The following SNAP23 variants were observed in gnomAD, a reference collection of about 807,000 sequenced individuals.
The protein encoded by SNAP23 is synaptosome associated protein 23.
SNAP23 carries 11 observed loss-of-function variants against 29.0 expected under a neutral mutation model. The ratio of observed to expected loss-of-function variants is 0.38; its 90% CI spans 0.24 to 0.63. The LOEUF (loss-of-function observed/expected upper bound fraction) is 0.63. Ranked by LOEUF, SNAP23 falls within the 20% of genes least tolerant of loss-of-function variation. SNAP23 has a pLI of 0.58. For synonymous variants in SNAP23, 60 were observed against 82.9 expected (o/e 0.72, Z 1.50); for missense variants, 220 against 253.9 (o/e 0.87, Z 0.91).
At position 42,529,762 on chromosome 15, in the gene SNAP23, G is replaced by C. The variant is rs1030506827; in HGVS notation, c.513G>C (p.Leu171=). 1 of 1,614,022 alleles carries C rather than the reference G, an allele frequency of 6.2e-7. No homozygotes were observed. Among genetic ancestry groups the C allele is most frequent in the Non-Finnish European group, 8.5e-7 (1 of 1,180,000 alleles). Residue 171 remains leucine, a synonymous_variant, in exon 7 of 8, where the codon CTG becomes CTC. Coordinates refer to ENST00000249647, the MANE Select transcript of SNAP23 (RefSeq NM_003825.4). The part of the protein sequence containing the change: ...SILGNLKDMA[L]NIGNEIDAQN... ...TGGGAAATCTAAAAGACATGGCCCTGAACATAGGCAATGAGATTGATGCTC... is the reference window on the plus strand; with the variant it reads ...TGGGAAATCTAAAAGACATGGCCCTCAACATAGGCAATGAGATTGATGCTC...
At chr15:42,514,682 G>A (rs988014854) in intron 4 of SNAP23, among the ~76,000 whole-genome samples, 4 of 149,578 alleles carry the variant, frequency 2.7e-5, no homozygotes, top group African/African-American at 9.8e-5. Context: ...CCGTCCCTTG[G>A]TCCTACTATA....
At chr15:42,500,142 C>G (rs976293871) in intron 1 of SNAP23, among the ~76,000 whole-genome samples, 1 of 145,740 alleles carries the variant, frequency 6.9e-6, no homozygotes, top group African/African-American at 2.6e-5. Flanking sequence ...TATCAGCTGC[C>G]TTTTTTTTTC....
chr15:42,500,826 G>A (rs1469931493), intron 1 of SNAP23, among the ~76,000 whole-genome samples: 2 of 152,184 alleles, frequency 1.3e-5, no homozygotes, highest in African/African-American at 4.8e-5. Flanking sequence ...AAGAGTAGAA[G>A]AAGCCCATTT....
chr15:42,520,563 C>G (rs1018095801), intron 5 of SNAP23, among the ~76,000 whole-genome samples: 3 of 152,014 alleles, frequency 2.0e-5, no homozygotes, highest in African/African-American at 7.2e-5. Flanking sequence ...GGCACGATCT[C>G]GGCTCACTGC....
chr15:42,525,582 G>A (rs117881887), intron 5 of SNAP23, among the ~76,000 whole-genome samples: 7,145 of 140,802 alleles, frequency 0.051, 217 homozygotes, highest in Middle Eastern at 0.097. Flanking sequence ...TTCTGCCTCT[G>A]CCTCCTGAGT....
chr15:42,525,842 C>CA (rs1486291581), intron 5 of SNAP23, among the ~76,000 whole-genome samples: 8 of 152,124 alleles, frequency 5.3e-5, no homozygotes, highest in African/African-American at 1.9e-4. Context: ...AATTAAAAAT[C>CA]ATTCACATGA....
intron 5 of SNAP23, among the ~76,000 whole-genome samples, chr15:42,519,265 G>C (rs1437398387): frequency 1.3e-5 from 2 of 151,794 alleles, no homozygotes; most frequent in Non-Finnish European, 2.9e-5. Flanking sequence ...ATGTTGGCCA[G>C]GCTGGTCTTG....
At chr15:42,524,676 G>C (rs1274098385) in intron 5 of SNAP23, among the ~76,000 whole-genome samples, 3 of 152,216 alleles carry the variant, frequency 2.0e-5, no homozygotes, top group African/African-American at 7.2e-5. Context: ...TGCCAAAAAG[G>C]TTGGGGACTG....
chr15:42,497,455 G>C (rs567260601), intron 1 of SNAP23, among the ~76,000 whole-genome samples: 3 of 151,600 alleles, frequency 2.0e-5, no homozygotes, highest in Admixed American at 2.0e-4. Flanking sequence ...GTTATCCACC[G>C]GCCTCCGCCT....
At chr15:42,530,778 C>A (rs930539744) in intron 7 of SNAP23, among the ~76,000 whole-genome samples, 5 of 152,142 alleles carry the variant, frequency 3.3e-5, no homozygotes, top group African/African-American at 1.2e-4. Context: ...GAAAGTCATA[C>A]CTCATTAAAA....
rs2057576975 is a variant in SNAP23 at position 42,532,548 on chromosome 15, T to A, written c.*1070T>A. 6.6e-6 allele frequency: 1 copy of A among 152,644 alleles called. No homozygotes were observed. Among genetic ancestry groups the A allele is most frequent in the Non-Finnish European group, 1.5e-5 (1 of 68,024 alleles). The allele number at this position is 152,644 out of a possible 1,614,324, so 9.5% of individuals were successfully genotyped here. A position where few individuals can be genotyped will look rare whatever the true frequency, so the allele number is the denominator to read the frequency against. Reference sequence around the variant, plus strand: ...TATCATGGTTCCATTACAGGCCTATTAACATCATACATTGTCATTAGTCTT... The same window carrying A: ...TATCATGGTTCCATTACAGGCCTATAAACATCATACATTGTCATTAGTCTT... On this transcript the variant is annotated 3_prime_UTR_variant, in exon 8 of 8. Coordinates refer to ENST00000249647, the MANE Select transcript of SNAP23 (RefSeq NM_003825.4).
At chr15:42,528,139 TTA>T in intron 5 of SNAP23, 121 bp from the exon 6 acceptor site, 2 of 645,784 alleles carry the variant, frequency 3.1e-6, no homozygotes, top group Non-Finnish European at 5.2e-6. Flanking sequence ...TCATCTAGAC[TTA>T]GCTGTATGCA....
chr15:42,492,171 T>A (rs1238261161), upstream of SNAP23, among the ~76,000 whole-genome samples: 1 of 148,246 alleles, frequency 6.7e-6, no homozygotes, highest in East Asian at 2.1e-4. Flanking sequence ...TCGGCTTCCC[T>A]AAGTGCTGGT....
At chr15:42,510,580 G>A (rs577513307) in intron 1 of SNAP23, among the ~76,000 whole-genome samples, 2 of 152,230 alleles carry the variant, frequency 1.3e-5, no homozygotes, top group East Asian at 3.9e-4. Context: ...TACTTTGAGA[G>A]TACACCCTGT....
intron 5 of SNAP23, among the ~76,000 whole-genome samples, chr15:42,524,413 A>T (rs2057477992): frequency 6.6e-6 from 1 of 152,178 alleles, no homozygotes; most frequent in Admixed American, 6.5e-5. Flanking sequence ...CGGCCTGTTA[A>T]CAGAAACTGG....
At chr15:42,516,125 G>A (rs773619440) in intron 5 of SNAP23, among the ~76,000 whole-genome samples, 10 of 152,176 alleles carry the variant, frequency 6.6e-5, no homozygotes, top group Non-Finnish European at 1.2e-4. Flanking sequence ...AAAAAGAAAC[G>A]ACAGTATCTG....
At chr15:42,497,119 T>A (rs184731885) in intron 1 of SNAP23, among the ~76,000 whole-genome samples, 34 of 150,048 alleles carry the variant, frequency 2.3e-4, no homozygotes, top group African/African-American at 8.3e-4. Context: ...CTTGGCTTAC[T>A]ACAACCTCCA....
rs554312140 is a variant in SNAP23 at position 42,524,466 on chromosome 15, C to T, written c.267-3796C>T. Reference sequence around the variant, plus strand: ...GAGCATTATTGCCTGAGCTCTGCCTCCTCTCAGATCAGCAGTGGCATTACA... The same window carrying T: ...GAGCATTATTGCCTGAGCTCTGCCTTCTCTCAGATCAGCAGTGGCATTACA... On this transcript the variant is annotated intron_variant, in intron 5 of 7. Transcript: ENST00000249647. Among the ~76,000 whole-genome samples the T allele has an allele frequency of 3.7e-4, 56 of 152,296 alleles. 1 individual carries two copies. The South Asian group carries it at 0.011, about 30-fold the overall frequency.
Position 42,529,759 on chromosome 15 carries a change from C to T in SNAP23, c.510C>T (p.Ala170=). ...GSILGNLKDM[A]LNIGNEIDAQ... The stretch of plus-strand genomic sequence containing the variant: ...TCCTGGGAAATCTAAAAGACATGGC[C>T]CTGAACATAGGCAATGAGATTGATG... The change falls in exon 7 of 8, where the codon GCC becomes GCT. Residue 170 remains alanine, a synonymous_variant. Transcript: ENST00000249647. 1.2e-6 allele frequency: 2 copies of T among 1,613,942 alleles called. No individual in the cohort carries two copies. The highest frequency in any genetic ancestry group is 1.7e-6 in the Non-Finnish European group (2 of 1,179,954).
Sources: gnomAD v4.1 joint callset for allele counts (sites outside exome capture counted in the v4.1 genomes callset) on GRCh38, gnomAD v4.1.1 for gene constraint, MANE v1.5 for transcripts, NCBI Gene and HGNC (gene_info 2026-07-23, HGNC 2026-07-21) for gene names.